Variants in AGBL1 observed in about 807,000 individuals in gnomAD.
AGBL1 encodes cytosolic carboxypeptidase 4.
In AGBL1, 130 loss-of-function variants were observed where a neutral mutation model predicts 118.9. The ratio of observed to expected loss-of-function variants is 1.09; its 90% confidence interval spans 0.95 to 1.26. The LOEUF is 1.26. Ranked by LOEUF, AGBL1 falls within the 50% of genes most tolerant of loss-of-function variation. The probability of loss-of-function intolerance (pLI) is 0.00; values close to 1 mark genes in which losing one functional copy is unlikely to be tolerated. For missense variants in AGBL1, 1,584 were observed against 1,298.1 expected (o/e 1.22, Z -3.38); for synonymous variants, 555 against 478.9 (o/e 1.16, Z -2.08).
chr15:86,713,535 G>A lies in AGBL1; in HGVS notation c.3158+39099G>A, dbSNP rs145020943. On this transcript the variant is annotated intron_variant, in intron 22 of 22. Transcript: ENST00000614907. ...CCCCAGTGCCCATAGAGCACTAGAC[G>A]GGTTGTGGAAATTAAAGTATATTTT... 3.9e-5 allele frequency among the ~76,000 whole-genome samples: 6 copies of A among 152,214 alleles called. No individual in the cohort carries two copies. In the East Asian group the frequency reaches 9.6e-4, roughly 24 times the overall value.
At chr15:86,808,216 C>T (rs1297286623) in intron 22 of AGBL1, among the ~76,000 whole-genome samples, 2 of 152,136 alleles carry the variant, frequency 1.3e-5, no homozygotes, top group Non-Finnish European at 2.9e-5. Context: ...CCCTGGTATT[C>T]TCCATGCGTC....
intron 5 of AGBL1, among the ~76,000 whole-genome samples, chr15:86,182,160 C>T (rs957818388): frequency 1.3e-5 from 2 of 152,100 alleles, no homozygotes; most frequent in Middle Eastern, 3.4e-3. Context: ...TATAAGGTAA[C>T]ATTTGAGACG....
At chr15:86,562,037 G>C (rs1386497697) in intron 21 of AGBL1, among the ~76,000 whole-genome samples, 2 of 152,154 alleles carry the variant, frequency 1.3e-5, no homozygotes, top group Non-Finnish European at 2.9e-5. Context: ...TTGCTTATCA[G>C]GTTAAGGAGA....
At chr15:86,125,963 C>G (rs576160519) in intron 1 of AGBL1, among the ~76,000 whole-genome samples, 4 of 152,174 alleles carry the variant, frequency 2.6e-5, no homozygotes, top group Non-Finnish European at 4.4e-5. Flanking sequence ...TGATCCTACA[C>G]AGCTGCAGAT....
chr15:87,024,914 T>A (rs987815818), intron 24 of AGBL1, among the ~76,000 whole-genome samples: 17 of 151,990 alleles, frequency 1.1e-4, no homozygotes, highest in Non-Finnish European at 1.9e-4. Flanking sequence ...AAAAAGCATT[T>A]GACAAAATCC....
intron 22 of AGBL1, among the ~76,000 whole-genome samples, chr15:86,691,500 A>G (rs913513794): frequency 2.6e-5 from 4 of 152,138 alleles, no homozygotes; most frequent in African/African-American, 7.2e-5. Context: ...TGAAAGGCAC[A>G]TGTGTGTGTA....
chr15:86,123,265 A>G (rs568457264), intron 1 of AGBL1, among the ~76,000 whole-genome samples: 34 of 152,234 alleles, frequency 2.2e-4, no homozygotes, highest in African/African-American at 7.7e-4. Context: ...TTTGAGACAG[A>G]GTCTTGCTCT....
intron 22 of AGBL1, among the ~76,000 whole-genome samples, chr15:86,854,042 A>G (rs2079444282): frequency 6.6e-6 from 1 of 152,216 alleles, no homozygotes; most frequent in Admixed American, 6.5e-5. Context: ...TGCACCTTCC[A>G]AGTACCTTGG....
At chr15:86,112,383 A>G (rs1451385663) in intron 1 of AGBL1, among the ~76,000 whole-genome samples, 2 of 152,318 alleles carry the variant, frequency 1.3e-5, no homozygotes, top group East Asian at 3.9e-4. Flanking sequence ...CTACACATAC[A>G]TTTTTGTGTA....
intron 22 of AGBL1, among the ~76,000 whole-genome samples, chr15:86,890,595 T>C (rs1434991910): frequency 6.6e-6 from 1 of 152,166 alleles, no homozygotes; most frequent in African/African-American, 2.4e-5. Flanking sequence ...CCAGTTTCAA[T>C]TTTCTGCACA....
intron 22 of AGBL1, among the ~76,000 whole-genome samples, chr15:86,736,649 A>G (rs994588209): frequency 6.6e-6 from 1 of 152,142 alleles, no homozygotes; most frequent in Non-Finnish European, 1.5e-5. Flanking sequence ...TGGCTCTTCC[A>G]CTAGCCGTAA....
chr15:86,988,431 C>G (rs1244138631), intron 24 of AGBL1: 2 of 173,760 alleles, frequency 1.2e-5, no homozygotes, highest in Non-Finnish European at 2.4e-5. Context: ...GTCTTGCTTG[C>G]TGTTGATTCT....
intron 18 of AGBL1, among the ~76,000 whole-genome samples, chr15:86,441,891 G>A (rs183946068): frequency 4.8e-4 from 73 of 152,328 alleles, no homozygotes; most frequent in African/African-American, 1.7e-3. Context: ...GCTGAGATCC[G>A]TTCTTGAACA....
At chr15:86,182,707 C>G (rs768144985) in intron 5 of AGBL1, among the ~76,000 whole-genome samples, 15 of 152,220 alleles carry the variant, frequency 9.9e-5, no homozygotes, top group Middle Eastern at 6.8e-3. Context: ...GAGCTGTTCT[C>G]TCAGTATTAG....
chr15:86,704,184 C>T (rs2086408381), intron 22 of AGBL1, among the ~76,000 whole-genome samples: 1 of 152,098 alleles, frequency 6.6e-6, no homozygotes, highest in African/African-American at 2.4e-5. Flanking sequence ...ACCATAAAAA[C>T]CCTAGAAGAA....
At chr15:86,637,057 T>A (rs924891065) in intron 21 of AGBL1, among the ~76,000 whole-genome samples, 2 of 151,898 alleles carry the variant, frequency 1.3e-5, no homozygotes, top group African/African-American at 4.8e-5. Flanking sequence ...ACTGTGAAAA[T>A]TCTGAAGTAT....
chr15:86,567,993 C>A (rs1417809930), intron 21 of AGBL1, among the ~76,000 whole-genome samples: 1 of 149,842 alleles, frequency 6.7e-6, no homozygotes, highest in Non-Finnish European at 1.5e-5. Flanking sequence ...TGCTTCTGAT[C>A]TTCTTTGGGA....
chr15:86,684,703 C>T (rs537121131), intron 22 of AGBL1, among the ~76,000 whole-genome samples: 1 of 152,176 alleles, frequency 6.6e-6, no homozygotes, highest in African/African-American at 2.4e-5. Flanking sequence ...GGATGACAAG[C>T]TCTGTGAATC....
intron 1 of AGBL1, among the ~76,000 whole-genome samples, chr15:86,122,029 C>T (rs1898121467): frequency 6.6e-6 from 1 of 152,210 alleles, no homozygotes; most frequent in Non-Finnish European, 1.5e-5. Context: ...CGGAAAATTA[C>T]AGCCCATCAT....
Sources: allele counts gnomAD v4.1 joint callset (sites outside exome capture counted in the v4.1 genomes callset), GRCh38; gene constraint gnomAD v4.1.1; transcripts MANE v1.5; gene names NCBI Gene and HGNC (gene_info 2026-07-23, HGNC 2026-07-21).